AFF3: variants seen among roughly 807,000 people sequenced by gnomAD.
AFF3 encodes the protein AF4/FMR2 family member 3.
AFF3 carries 32 observed loss-of-function variants against 129.7 expected under a neutral mutation model. The observed-to-expected ratio is 0.25, with a 90% CI of 0.19 to 0.33. The LOEUF is 0.33. Among genes scored for constraint, AFF3 ranks in the 10% least tolerant of loss-of-function variants. The pLI is 1.00. For synonymous variants in AFF3, 644 were observed against 635.4 expected (o/e 1.01, Z -0.20); for missense variants, 1,373 against 1,592.0 (o/e 0.86, Z 2.34).
At chr2:99,631,972 G>C (rs1310649921) in intron 13 of AFF3, among the ~76,000 whole-genome samples, 1 of 144,762 alleles carries the variant, frequency 6.9e-6, no homozygotes, top group Non-Finnish European at 1.5e-5. Context: ...CATAAAAAAT[G>C]CATAAGGTTC....
chr2:99,644,425 A>G (rs1211518252), intron 13 of AFF3, among the ~76,000 whole-genome samples: 1 of 152,146 alleles, frequency 6.6e-6, no homozygotes, highest in Non-Finnish European at 1.5e-5. Flanking sequence ...TTATTCATAT[A>G]AAATTATGTT....
intron 8 of AFF3, among the ~76,000 whole-genome samples, chr2:99,761,166 G>T (rs1259517524): frequency 1.3e-5 from 2 of 151,236 alleles, no homozygotes; most frequent in African/African-American, 4.9e-5. Flanking sequence ...GTTACTCAAG[G>T]GATACGTTCA....
At chr2:100,056,230 C>T (rs10209110) in intron 4 of AFF3, among the ~76,000 whole-genome samples, 70,539 of 151,910 alleles carry the variant, frequency 0.46, 16,620 homozygotes, top group Non-Finnish European at 0.5. Flanking sequence ...ACTCTCTATC[C>T]GGCATTCCCT....
At chr2:99,863,439 G>C (rs1023474711) in intron 7 of AFF3, among the ~76,000 whole-genome samples, 2 of 151,942 alleles carry the variant, frequency 1.3e-5, no homozygotes, top group Non-Finnish European at 2.9e-5. Context: ...AAAAGTTTCA[G>C]AGAAGAGTTT....
At position 99,947,645 on chromosome 2, in the gene AFF3, T is replaced by TAGACAGAC. The variant is rs1462200103; in HGVS notation, c.873+58986_873+58987insGTCTGTCT. On this transcript the variant is annotated intron_variant, in intron 7 of 24. Coordinates refer to ENST00000672756, the MANE Select transcript of AFF3 (RefSeq NM_001386135.1). ...ATAGATAGATAGATAGATAGATAGA[T>TAGACAGAC]AGATAGATAGACAGACAGACAGACA... Among the ~76,000 whole-genome samples the TAGACAGAC allele has an allele frequency of 3.6e-3, 482 of 134,508 alleles. 1 individual carries two copies. The highest frequency in any genetic ancestry group is 5.3e-3 in the Non-Finnish European group (324 of 61,578). The allele number at this position is 134,508 out of a possible 152,430, so 88.2% of individuals were successfully genotyped here. A position where few individuals can be genotyped will look rare whatever the true frequency, so the allele number is the denominator to read the frequency against.
chr2:99,907,326 A>G (rs1270216926), intron 7 of AFF3, among the ~76,000 whole-genome samples: 2 of 152,162 alleles, frequency 1.3e-5, no homozygotes, highest in African/African-American at 4.8e-5. Context: ...ATTATTTTAT[A>G]TAATTAACAA....
intron 2 of AFF3, among the ~76,000 whole-genome samples, chr2:100,119,255 C>T (rs1311519085): frequency 3.3e-5 from 5 of 152,188 alleles, no homozygotes. Context: ...GCCAAAAGTG[C>T]ACTGGTAAAG....
chr2:99,908,921 T>A (rs1694917938), intron 7 of AFF3, among the ~76,000 whole-genome samples: 1 of 152,176 alleles, frequency 6.6e-6, no homozygotes, highest in Non-Finnish European at 1.5e-5. Flanking sequence ...GTGTGGCGAT[T>A]CCTCAGGGAT....
At chr2:99,983,457 C>CTATA (rs1297900804) in intron 7 of AFF3, among the ~76,000 whole-genome samples, 3 of 152,060 alleles carry the variant, frequency 2.0e-5, no homozygotes, top group Non-Finnish European at 4.4e-5. Context: ...TTTGTGATTA[C>CTATA]TATTATAATT....
intron 8 of AFF3, among the ~76,000 whole-genome samples, chr2:99,764,610 TA>T (rs1307117299): frequency 6.6e-6 from 1 of 152,236 alleles, no homozygotes; most frequent in Non-Finnish European, 1.5e-5. Flanking sequence ...TACTTGTGTT[TA>T]AAAAATAATA....
chr2:99,776,586 T>C (rs928158212), intron 8 of AFF3, among the ~76,000 whole-genome samples: 1 of 152,232 alleles, frequency 6.6e-6, no homozygotes, highest in African/African-American at 2.4e-5. Context: ...GGATGAATCC[T>C]GCACCTGTGA....
intron 20 of AFF3, among the ~76,000 whole-genome samples, chr2:99,563,763 T>C (rs1447363213): frequency 6.9e-6 from 1 of 145,952 alleles, no homozygotes; most frequent in Non-Finnish European, 1.5e-5. Context: ...TGAGCTGAGA[T>C]TGTGCCATTG....
chr2:100,013,895 G>A (rs112120223), intron 4 of AFF3, among the ~76,000 whole-genome samples: 26 of 152,214 alleles, frequency 1.7e-4, no homozygotes, highest in Middle Eastern at 3.4e-3. Flanking sequence ...GTTGCCCAGC[G>A]AGGGCTACTG....
chr2:100,114,501 C>T (rs573687206), intron 2 of AFF3, among the ~76,000 whole-genome samples: 1 of 152,312 alleles, frequency 6.6e-6, no homozygotes, highest in African/African-American at 2.4e-5. Context: ...CCTACCTCAG[C>T]CTCCCGAGTA....
intron 9 of AFF3, among the ~76,000 whole-genome samples, chr2:99,751,849 T>C (rs1044619225): frequency 3.3e-5 from 5 of 152,230 alleles, no homozygotes; most frequent in South Asian, 2.1e-4. Context: ...TACTAAGACA[T>C]TGATTTTAAG....
chr2:99,703,907 G>T (rs77468800), intron 11 of AFF3, among the ~76,000 whole-genome samples: 6,075 of 152,226 alleles, frequency 0.04, 227 homozygotes, highest in Non-Finnish European at 0.058. Flanking sequence ...TAATGTTTCT[G>T]AGTACACTGC....
chr2:99,588,026 T>A (rs963876757), intron 15 of AFF3, among the ~76,000 whole-genome samples: 11 of 144,180 alleles, frequency 7.6e-5, no homozygotes, highest in African/African-American at 2.0e-4. Flanking sequence ...AAAAAAAAAA[T>A]TATTGCCTTT....
chr2:99,934,919 A>G (rs915761248), intron 7 of AFF3, among the ~76,000 whole-genome samples: 11 of 152,214 alleles, frequency 7.2e-5, no homozygotes, highest in African/African-American at 2.7e-4. Flanking sequence ...CCTGAGACCA[A>G]TGTGACTGGG....
At chr2:99,706,851 A>T (rs1365775009) in intron 11 of AFF3, among the ~76,000 whole-genome samples, 1 of 152,182 alleles carries the variant, frequency 6.6e-6, no homozygotes, top group South Asian at 2.1e-4. Flanking sequence ...CTCTCAAAGA[A>T]ATACAAATTC....
Sources: gnomAD v4.1 joint callset for allele counts (sites outside exome capture counted in the v4.1 genomes callset) on GRCh38, gnomAD v4.1.1 for gene constraint, MANE v1.5 for transcripts, NCBI Gene and HGNC (gene_info 2026-07-23, HGNC 2026-07-21) for gene names.